THSD7A: variants seen among roughly 807,000 people sequenced by gnomAD.
THSD7A encodes the protein thrombospondin type-1 domain-containing protein 7A.
THSD7A carries 96 observed loss-of-function variants against 231.3 expected under a neutral mutation model. The observed-to-expected ratio is 0.41, with a 90% CI of 0.35 to 0.49. THSD7A has a LOEUF of 0.49. THSD7A is among the 20% of genes least tolerant of loss of function. The pLI, the probability that THSD7A is intolerant of heterozygous loss-of-function variation, is 0.05. For missense variants in THSD7A, 2,290 were observed against 2,070.2 expected, an observed-to-expected ratio of 1.11 and a Z score of -2.06; for synonymous variants, 940 against 743.3, an observed-to-expected ratio of 1.26 and a Z score of -4.30.
At chr7:11,392,151 T>G (rs1028454959) in intron 23 of THSD7A, among the ~76,000 whole-genome samples, 25 of 152,004 alleles carry the variant, frequency 1.6e-4, no homozygotes, top group African/African-American at 5.8e-4. Context: ...CCAGTGAGAT[T>G]GATGCAGAAG....
chr7:11,731,544 T>C (rs969230134), intron 1 of THSD7A, among the ~76,000 whole-genome samples: 1 of 151,706 alleles, frequency 6.6e-6, no homozygotes, highest in Non-Finnish European at 1.5e-5. Context: ...AGTTCAAAAA[T>C]TGATCTTATT....
chr7:11,460,920 G>C (rs1785483469), intron 10 of THSD7A, among the ~76,000 whole-genome samples, 155 bp from the exon 11 acceptor site: 1 of 152,102 alleles, frequency 6.6e-6, no homozygotes, highest in South Asian at 2.1e-4. Context: ...CTCCATCTAG[G>C]CTTTAGAAGA....
At chr7:11,815,340 G>T (rs879923771) in intron 1 of THSD7A, among the ~76,000 whole-genome samples, 1 of 151,858 alleles carries the variant, frequency 6.6e-6, no homozygotes, top group African/African-American at 2.4e-5. Context: ...CTCTTAACCA[G>T]GTAGTCCACA....
chr7:11,438,086 T>C (rs1038801449), intron 13 of THSD7A, among the ~76,000 whole-genome samples: 2 of 151,996 alleles, frequency 1.3e-5, no homozygotes, highest in Non-Finnish European at 2.9e-5. Context: ...CTGAGACATG[T>C]GTACTGGAGC....
At chr7:11,801,039 C>T (rs539348679) in intron 1 of THSD7A, among the ~76,000 whole-genome samples, 4 of 152,160 alleles carry the variant, frequency 2.6e-5, no homozygotes, top group East Asian at 1.9e-4. Context: ...TGATGGCTCA[C>T]GCCTGTAATC....
chr7:11,744,961 A>G (rs904276920), intron 1 of THSD7A, among the ~76,000 whole-genome samples: 3 of 151,980 alleles, frequency 2.0e-5, no homozygotes, highest in Non-Finnish European at 4.4e-5. Flanking sequence ...TATACCCAGT[A>G]ATGGGATGGC....
intron 4 of THSD7A, among the ~76,000 whole-genome samples, chr7:11,563,156 C>A (rs1790146421): frequency 6.6e-6 from 1 of 151,914 alleles, no homozygotes; most frequent in Non-Finnish European, 1.5e-5. Context: ...TTGTCTTTCT[C>A]AGCCTGGTTA....
At position 11,370,593 on chromosome 7, in the gene THSD7A, T is replaced by C. The variant is rs1782014472; in HGVS notation, c.*5201A>G. On this transcript the variant is annotated 3_prime_UTR_variant, in exon 28 of 28. Coordinates refer to ENST00000423059, the MANE Select transcript of THSD7A (RefSeq NM_015204.3). ...TTATTTGCAAATCTGTAGTTAATTG[T>C]ACATAGACATTTTGTGCGTTAAAAA... 1 of 152,182 alleles carries C rather than the reference T, an allele frequency of 6.6e-6. No homozygotes were observed. Among genetic ancestry groups the C allele is most frequent in the Non-Finnish European group, 1.5e-5 (1 of 68,022 alleles). The allele number at this position is 152,182 out of a possible 1,614,324, so 9.4% of individuals were successfully genotyped here.
chr7:11,663,941 T>G (rs974077810), intron 1 of THSD7A, among the ~76,000 whole-genome samples: 1 of 151,656 alleles, frequency 6.6e-6, no homozygotes, highest in Non-Finnish European at 1.5e-5. Context: ...AATTTTGATA[T>G]TTTTCCCTTA....
chr7:11,558,673 G>C (rs1789949657), intron 4 of THSD7A, among the ~76,000 whole-genome samples: 2 of 152,206 alleles, frequency 1.3e-5, no homozygotes, highest in South Asian at 4.1e-4. Flanking sequence ...CAAAACTAGG[G>C]TCTAAAATTT....
intron 2 of THSD7A, among the ~76,000 whole-genome samples, chr7:11,631,522 A>T (rs1024968663): frequency 6.6e-6 from 1 of 152,224 alleles, no homozygotes; most frequent in African/African-American, 2.4e-5. Context: ...TCATTCCACA[A>T]GTTGGAATAA....
chr7:11,476,930 A>C (rs1786214759), intron 7 of THSD7A, among the ~76,000 whole-genome samples: 1 of 152,192 alleles, frequency 6.6e-6, no homozygotes, highest in South Asian at 2.1e-4. Flanking sequence ...TGATATAAAT[A>C]CTTTTCTTTT....
chr7:11,563,709 A>T (rs6945941), intron 4 of THSD7A, among the ~76,000 whole-genome samples: 5,827 of 152,216 alleles, frequency 0.038, 393 homozygotes, highest in African/African-American at 0.13. Flanking sequence ...AAACCAAGAC[A>T]TTATATAATT....
chr7:11,489,227 G>T (rs984199552), intron 6 of THSD7A, among the ~76,000 whole-genome samples: 1 of 151,968 alleles, frequency 6.6e-6, no homozygotes, highest in Non-Finnish European at 1.5e-5. Flanking sequence ...AACCTATATT[G>T]CTTTTCTGCA....
chr7:11,392,574 G>C lies in THSD7A; in HGVS notation c.4411+9221C>G, dbSNP rs547726968. On this transcript the variant is annotated intron_variant, in intron 23 of 27. Coordinates refer to ENST00000423059, the MANE Select transcript of THSD7A (RefSeq NM_015204.3). ...GAAAGGGGGCTGAAGCCAGGGAGCTGAGTGGACTAACTCAGTGGATCCCAC... is the reference window on the plus strand; with the variant it reads ...GAAAGGGGGCTGAAGCCAGGGAGCTCAGTGGACTAACTCAGTGGATCCCAC... Among the ~76,000 whole-genome samples the C allele has an allele frequency of 6.6e-5, 10 of 152,296 alleles. No individual in the cohort carries two copies. The South Asian group carries it at 2.1e-3, about 32-fold the overall frequency.
At chr7:11,543,749 A>G (rs554852844) in intron 4 of THSD7A, among the ~76,000 whole-genome samples, 19 of 152,338 alleles carry the variant, frequency 1.2e-4, no homozygotes, top group African/African-American at 4.3e-4. Flanking sequence ...GCTAATTTAT[A>G]ATTATCTACA....
At chr7:11,562,786 C>G (rs1253578027) in intron 4 of THSD7A, among the ~76,000 whole-genome samples, 3 of 152,056 alleles carry the variant, frequency 2.0e-5, no homozygotes, top group Non-Finnish European at 4.4e-5. Flanking sequence ...TTGCAACTCC[C>G]TGCCATTATG....
At chr7:11,641,810 C>A (rs1354776662) in intron 1 of THSD7A, among the ~76,000 whole-genome samples, 1 of 151,890 alleles carries the variant, frequency 6.6e-6, no homozygotes, top group Non-Finnish European at 1.5e-5. Flanking sequence ...ACCTTGTAGG[C>A]TTTAACTGCC....
intron 2 of THSD7A, among the ~76,000 whole-genome samples, chr7:11,627,532 G>GC (rs1194732590): frequency 2.0e-5 from 3 of 151,894 alleles, no homozygotes; most frequent in Non-Finnish European, 4.4e-5. Flanking sequence ...TAATATAAAT[G>GC]CAAAGTACTT....
Sources: gnomAD v4.1 joint callset for allele counts (sites outside exome capture counted in the v4.1 genomes callset) on GRCh38, gnomAD v4.1.1 for gene constraint, MANE v1.5 for transcripts, NCBI Gene and HGNC (gene_info 2026-07-23, HGNC 2026-07-21) for gene names.